TRAF3IP2: variants seen among roughly 807,000 people sequenced by gnomAD.
TRAF3IP2 encodes the protein TRAF3 interacting protein 2.
Under a neutral mutation model 57.9 loss-of-function variants are expected in TRAF3IP2, and 35 were observed. The ratio of observed to expected loss-of-function variants is 0.60; its 90% CI spans 0.46 to 0.80. The LOEUF (loss-of-function observed/expected upper bound fraction) is 0.80, where lower values mean the gene tolerates loss of function less well. Ranked by LOEUF, TRAF3IP2 falls within the 30% of genes least tolerant of loss-of-function variation. The pLI is 0.00. For synonymous variants in TRAF3IP2, 251 were observed against 268.9 expected (o/e 0.93, Z 0.65); for missense variants, 556 against 706.4 (o/e 0.79, Z 2.41).
At chr6:111,595,656 C>T (rs530980305) in intron 1 of TRAF3IP2, among the ~76,000 whole-genome samples, 198 of 151,888 alleles carry the variant, frequency 1.3e-3, no homozygotes, top group Admixed American at 2.4e-3. Flanking sequence ...GGTGAAACCC[C>T]GCCTCTACTA....
At chr6:111,569,468 T>C (rs1019544848) in intron 5 of TRAF3IP2, among the ~76,000 whole-genome samples, 15 of 152,090 alleles carry the variant, frequency 9.9e-5, no homozygotes, top group South Asian at 2.1e-4. Context: ...ATGGTGATAA[T>C]TGGCCGGGCG....
chr6:111,600,985 A>G, intron 1 of TRAF3IP2: 1 of 459,338 alleles, frequency 2.2e-6, no homozygotes, highest in Non-Finnish European at 3.9e-6. Flanking sequence ...GGCATAGAGA[A>G]GGTAAGTAAC....
chr6:111,597,386 C>G (rs958143024), intron 1 of TRAF3IP2, among the ~76,000 whole-genome samples: 1 of 152,182 alleles, frequency 6.6e-6, no homozygotes, highest in Non-Finnish European at 1.5e-5. Context: ...CCACCTAGAA[C>G]TGAAAAGGGT....
At chr6:111,584,695 A>T (rs1796275891) in intron 2 of TRAF3IP2, among the ~76,000 whole-genome samples, 1 of 90,692 alleles carries the variant, frequency 1.1e-5, no homozygotes, top group South Asian at 3.8e-4. Flanking sequence ...TATGTTTATC[A>T]AGTAAATGAC....
At chr6:111,571,468 T>C (rs757330968) in intron 5 of TRAF3IP2, among the ~76,000 whole-genome samples, 1 of 152,106 alleles carries the variant, frequency 6.6e-6, no homozygotes, top group Non-Finnish European at 1.5e-5. Flanking sequence ...TGCCTTGGCC[T>C]CCCAAAGTGC....
At position 111,591,217 on chromosome 6, in the gene TRAF3IP2, C is replaced by T. The variant is rs932895462; in HGVS notation, c.829+41G>A. ...GATGTGAGGCCCTTGTTTCTTCAGT[C>T]ACCCAGCCCAGAATGCCCAGAGGAG... On this transcript the variant is annotated intron_variant, in intron 2 of 8. Coordinates refer to ENST00000368761, the MANE Select transcript of TRAF3IP2 (RefSeq NM_147686.4). This position sits in a 1 kb window ranked among gnomAD's most constrained non-coding sequence, Gnocchi z 4.9. 4 of 1,426,482 alleles carry T rather than the reference C, an allele frequency of 2.8e-6. No individual in the cohort carries two copies. In the South Asian group the frequency reaches 7.4e-5, roughly 26 times the overall value. The allele number at this position is 1,426,482 out of a possible 1,614,324, so 88.4% of individuals were successfully genotyped here.
At chr6:111,604,383 C>T (rs146880035) in intron 1 of TRAF3IP2, among the ~76,000 whole-genome samples, 1 of 152,362 alleles carries the variant, frequency 6.6e-6, no homozygotes, top group East Asian at 1.9e-4. Context: ...GTGACTGGTC[C>T]AGCTGAGGAG....
chr6:111,593,335 G>A (rs897458110), intron 1 of TRAF3IP2, among the ~76,000 whole-genome samples: 2 of 152,194 alleles, frequency 1.3e-5, no homozygotes, highest in Admixed American at 1.3e-4. Context: ...GGCTCACTGT[G>A]CCTAAAGTCA....
chr6:111,567,535 G>A lies in TRAF3IP2; in HGVS notation c.1359+89C>T, dbSNP rs534260835. Reference sequence around the variant, plus strand: ...CTTTCTCAGCTTCAGACTTAGGTGGGTATGCCAGGGTTTCTTTAATAAAAC... The same window carrying A: ...CTTTCTCAGCTTCAGACTTAGGTGGATATGCCAGGGTTTCTTTAATAAAAC... On this transcript the variant is annotated intron_variant, in intron 6 of 8. Coordinates refer to ENST00000368761, the MANE Select transcript of TRAF3IP2 (RefSeq NM_147686.4). 2.8e-6 allele frequency: 4 copies of A among 1,417,682 alleles called. No individual in the cohort carries two copies. The East Asian group carries it at 9.8e-5, about 35-fold the overall frequency. 87.8% of individuals were successfully genotyped at this position (1,417,682 alleles called of 1,614,324 possible).
chr6:111,579,030 G>GA (rs889976824), intron 3 of TRAF3IP2, among the ~76,000 whole-genome samples: 9 of 151,574 alleles, frequency 5.9e-5, no homozygotes, highest in African/African-American at 2.2e-4. Flanking sequence ...GAGAATAAGG[G>GA]AAAAAAAATG....
intron 2 of TRAF3IP2, among the ~76,000 whole-genome samples, chr6:111,584,409 A>G (rs953413026): frequency 2.0e-5 from 3 of 152,218 alleles, no homozygotes; most frequent in Non-Finnish European, 4.4e-5. Flanking sequence ...ATTGTTGAAA[A>G]CAAAGGAAAA....
At chr6:111,595,233 C>T (rs1480912747) in intron 1 of TRAF3IP2, among the ~76,000 whole-genome samples, 1 of 151,936 alleles carries the variant, frequency 6.6e-6, no homozygotes, top group Non-Finnish European at 1.5e-5. Context: ...AACTCTGTCT[C>T]AAAAGAAAAT....
chr6:111,593,990 G>A (rs1387210661), intron 1 of TRAF3IP2, among the ~76,000 whole-genome samples: 1 of 152,090 alleles, frequency 6.6e-6, no homozygotes, highest in Non-Finnish European at 1.5e-5. Context: ...AATTAGCTGG[G>A]CGTGGTGGCA....
At chr6:111,561,536 T>C (rs1234979872) in intron 8 of TRAF3IP2, among the ~76,000 whole-genome samples, 1 of 151,890 alleles carries the variant, frequency 6.6e-6, no homozygotes, top group Non-Finnish European at 1.5e-5. Context: ...GGGAAGGGCA[T>C]TGCAAGCAGA....
intron 1 of TRAF3IP2, among the ~76,000 whole-genome samples, chr6:111,597,157 CTCT>C (rs1299912274): frequency 2.6e-5 from 4 of 152,218 alleles, no homozygotes; most frequent in Admixed American, 2.0e-4. Context: ...TGACCCTTCC[CTCT>C]TCTTTTTTTT....
intron 1 of TRAF3IP2, among the ~76,000 whole-genome samples, chr6:111,592,669 G>A (rs1038439630): frequency 1.3e-5 from 2 of 152,122 alleles, no homozygotes; most frequent in South Asian, 2.1e-4. Context: ...AATTAAGCTG[G>A]GGGAGAGGAG....
intron 5 of TRAF3IP2, among the ~76,000 whole-genome samples, chr6:111,570,745 T>C (rs2128373317): frequency 6.6e-6 from 1 of 152,374 alleles, no homozygotes. Context: ...TATTTATTTA[T>C]ATTACAGACC....
chr6:111,587,312 G>A (rs552429562), intron 2 of TRAF3IP2, among the ~76,000 whole-genome samples: 51 of 152,196 alleles, frequency 3.4e-4, no homozygotes, highest in Non-Finnish European at 5.7e-4. Flanking sequence ...CTGGAGTGCA[G>A]TGGCGCGATC....
chr6:111,585,847 G>T (rs1038661106), intron 2 of TRAF3IP2, among the ~76,000 whole-genome samples: 14 of 152,172 alleles, frequency 9.2e-5, no homozygotes, highest in Admixed American at 7.2e-4. Flanking sequence ...GGGCGCCCAG[G>T]ACTGTATGTT....
Sources: allele counts gnomAD v4.1 joint callset (sites outside exome capture counted in the v4.1 genomes callset), GRCh38; gene constraint gnomAD v4.1.1; non-coding constraint Gnocchi (gnomAD v3.1); transcripts MANE v1.5; gene names NCBI Gene and HGNC (gene_info 2026-07-23, HGNC 2026-07-21).